The following PRKN variants were observed in gnomAD, a reference collection of about 807,000 sequenced individuals.
PRKN encodes parkin RBR E3 ubiquitin protein ligase, also known as E3 ubiquitin-protein ligase parkin.
In PRKN, 56 loss-of-function variants were observed where a neutral mutation model predicts 59.5. The ratio of observed to expected loss-of-function variants is 0.94; its 90% CI spans 0.76 to 1.18. The LOEUF (loss-of-function observed/expected upper bound fraction) is 1.18, where lower values mean the gene tolerates loss of function less well. PRKN is among the 50% of genes most tolerant of loss of function. The probability of loss-of-function intolerance (pLI) is 0.00; values close to 1 mark genes in which losing one functional copy is unlikely to be tolerated. For synonymous variants in PRKN, 250 were observed against 222.1 expected, an observed-to-expected ratio of 1.13 and a Z score of -1.12; for missense variants, 657 against 596.4, an observed-to-expected ratio of 1.10 and a Z score of -1.06.
In PRKN at chr6:162,321,227, A is replaced by G. The variant is rs113925204; in HGVS notation, c.172-58462T>C. 4.2e-3 allele frequency among the ~76,000 whole-genome samples: 634 copies of G among 152,048 alleles called. 5 individuals are homozygous for G. Among genetic ancestry groups the G allele is most frequent in the African/African-American group, 0.015 (610 of 41,552 alleles). ...ATTGTAGAGATACCACAAGGATAAGAGAATATTCTGAGCAATTTTCTACCT... is the reference window on the plus strand; with the variant it reads ...ATTGTAGAGATACCACAAGGATAAGGGAATATTCTGAGCAATTTTCTACCT... On this transcript the variant is annotated intron_variant, in intron 2 of 11. Transcript: ENST00000366898.
At chr6:161,406,700 G>A (rs563501222) in intron 9 of PRKN, among the ~76,000 whole-genome samples, 1 of 152,244 alleles carries the variant, frequency 6.6e-6, no homozygotes, top group Non-Finnish European at 1.5e-5. Context: ...CAGGCAAAAT[G>A]GATCCTTCTC....
intron 1 of PRKN, among the ~76,000 whole-genome samples, chr6:162,563,562 G>C (rs1376780096): frequency 6.6e-6 from 1 of 152,130 alleles, no homozygotes; most frequent in Non-Finnish European, 1.5e-5. Flanking sequence ...AATAAGCCCA[G>C]ACAGTGAAGA....
chr6:161,535,900 G>A lies in PRKN; in HGVS notation c.1083+12954C>T, dbSNP rs191105525. On this transcript the variant is annotated intron_variant, in intron 9 of 11. Transcript: ENST00000366898. The stretch of plus-strand genomic sequence containing the variant: ...ACTGGCCACACACCACGGAACTAAC[G>A]TCAGAATAATATAATGGAGCCTACT... Among the ~76,000 whole-genome samples, 3 of 152,034 alleles carry A rather than the reference G, an allele frequency of 2.0e-5. No homozygotes were observed. The East Asian group carries it at 5.8e-4, about 29-fold the overall frequency.
rs1781372888 is a variant in PRKN, at chr6:161,582,440, T to G, written c.872-13024A>C. ...ATTATTATTATTATTATTATTATTATTTTTGAGACAGAGTCTCGCTCTGTC... is the reference window on the plus strand; with the variant it reads ...ATTATTATTATTATTATTATTATTAGTTTTGAGACAGAGTCTCGCTCTGTC... On this transcript the variant is annotated intron_variant, in intron 7 of 11. Coordinates refer to ENST00000366898, the MANE Select transcript of PRKN (RefSeq NM_004562.3). This position sits in a 1 kb window ranked among gnomAD's most constrained non-coding sequence, Gnocchi z 4.4. Among the ~76,000 whole-genome samples the G allele has an allele frequency of 6.6e-6, 1 of 151,138 alleles. No homozygotes were observed. The highest frequency in any genetic ancestry group is 6.6e-5 in the Admixed American group (1 of 15,180).
chr6:161,452,547 T>C (rs916141868), intron 9 of PRKN, among the ~76,000 whole-genome samples: 2 of 152,224 alleles, frequency 1.3e-5, no homozygotes, highest in African/African-American at 4.8e-5. Flanking sequence ...ATTGGTTCTG[T>C]GTTTTTTAAT....
intron 11 of PRKN, among the ~76,000 whole-genome samples, chr6:161,358,167 G>T (rs1784835660): frequency 6.6e-6 from 1 of 152,104 alleles, no homozygotes. Context: ...TTTCAGGTTA[G>T]TCCTTTAGGA....
intron 9 of PRKN, among the ~76,000 whole-genome samples, chr6:161,524,694 G>A (rs1418496637): frequency 2.0e-5 from 3 of 152,062 alleles, no homozygotes; most frequent in Non-Finnish European, 4.4e-5. Flanking sequence ...TGCTTGCATA[G>A]CATATAATAT....
chr6:162,424,428 T>C (rs1789122333), intron 2 of PRKN, among the ~76,000 whole-genome samples: 1 of 152,098 alleles, frequency 6.6e-6, no homozygotes, highest in Non-Finnish European at 1.5e-5. Flanking sequence ...CAATGACCAG[T>C]TGTAAGAAAC....
intron 6 of PRKN, among the ~76,000 whole-genome samples, chr6:161,940,652 G>C (rs1583378067): frequency 6.6e-6 from 1 of 152,158 alleles, no homozygotes; most frequent in South Asian, 2.1e-4. Flanking sequence ...ACTGATAAGA[G>C]AATAATCCAA....
intron 4 of PRKN, among the ~76,000 whole-genome samples, chr6:162,082,159 G>C (rs1289549010): frequency 2.0e-5 from 3 of 151,958 alleles, no homozygotes; most frequent in African/African-American, 7.3e-5. Context: ...TGAATCATGG[G>C]GGTAGGTCTT....
At chr6:161,421,689 T>G (rs1451486684) in intron 9 of PRKN, among the ~76,000 whole-genome samples, 1 of 110,972 alleles carries the variant, frequency 9.0e-6, no homozygotes, top group Non-Finnish European at 1.7e-5. Context: ...ACATTAGATA[T>G]TTAGGGAAAA....
rs1018412564 is a variant in PRKN at position 162,191,357 on chromosome 6, T to C, written c.534+9774A>G. On this transcript the variant is annotated intron_variant, in intron 4 of 11. Transcript: ENST00000366898. ...CATGCTTCGTTACTATCACTGGCCA[T>C]ATGGCCCAGTTATAAATGATGAGCT... 2.6e-5 allele frequency among the ~76,000 whole-genome samples: 4 copies of C among 152,218 alleles called. No homozygotes were observed. In the East Asian group the frequency reaches 7.7e-4, roughly 29 times the overall value.
At chr6:161,899,678 A>G (rs1435953133) in intron 6 of PRKN, among the ~76,000 whole-genome samples, 7 of 152,230 alleles carry the variant, frequency 4.6e-5, no homozygotes. Context: ...GTCAGAATCA[A>G]CAACTACTTA....
chr6:161,575,955 G>C lies in PRKN; in HGVS notation c.872-6539C>G, dbSNP rs1487072231. On this transcript the variant is annotated intron_variant, in intron 7 of 11. Coordinates refer to ENST00000366898, the MANE Select transcript of PRKN (RefSeq NM_004562.3). This position sits in a 1 kb window ranked among gnomAD's most constrained non-coding sequence, Gnocchi z 4.6. ...GCAGCGAGACTGAACACTGACCTCT[G>C]AGCACAAGCCAGAGAGCATGGGCCA... Among the ~76,000 whole-genome samples the C allele has an allele frequency of 6.6e-6, 1 of 152,210 alleles. No individual in the cohort carries two copies. The highest frequency in any genetic ancestry group is 1.5e-5 in the Non-Finnish European group (1 of 68,040).
chr6:161,493,513 T>A (rs1355088880), intron 9 of PRKN, among the ~76,000 whole-genome samples: 3 of 152,162 alleles, frequency 2.0e-5, no homozygotes, highest in Non-Finnish European at 2.9e-5. Flanking sequence ...ACTCGGTCAG[T>A]GTTTATCCAG....
chr6:161,750,715 C>T (rs1441899164), intron 7 of PRKN, among the ~76,000 whole-genome samples: 4 of 148,504 alleles, frequency 2.7e-5, no homozygotes, highest in South Asian at 2.1e-4. Flanking sequence ...TGCAGTGAGC[C>T]GAGATCACAC....
At chr6:161,903,192 C>CAGCTGCACT (rs1201437473) in intron 6 of PRKN, among the ~76,000 whole-genome samples, 203 of 152,282 alleles carry the variant, frequency 1.3e-3, no homozygotes, top group Admixed American at 2.5e-3. Flanking sequence ...GTGCTGGAGG[C>CAGCTGCACT]GGCTGCACTG....
chr6:161,787,430 A>G (rs1236341730), intron 6 of PRKN, among the ~76,000 whole-genome samples: 5 of 152,178 alleles, frequency 3.3e-5, no homozygotes, highest in Non-Finnish European at 7.3e-5. Flanking sequence ...AGTCACTCGC[A>G]TACACATGCT....
chr6:162,519,931 C>A (rs1778019359), intron 1 of PRKN, among the ~76,000 whole-genome samples: 1 of 152,056 alleles, frequency 6.6e-6, no homozygotes. Flanking sequence ...TTGAAGATAT[C>A]AAAATATATT....
Sources: gnomAD v4.1 joint callset for allele counts (sites outside exome capture counted in the v4.1 genomes callset) on GRCh38, gnomAD v4.1.1 for gene constraint, Gnocchi (gnomAD v3.1) non-coding constraint, MANE v1.5 for transcripts, NCBI Gene and HGNC (gene_info 2026-07-23, HGNC 2026-07-21) for gene names.